The following TUSC3 variants were observed in gnomAD, a reference collection of about 807,000 sequenced individuals.
TUSC3 encodes the protein tumor suppressor candidate 3, also known as dolichyl-diphosphooligosaccharide--protein glycosyltransferase subunit TUSC3.
A neutral mutation model predicts 44.8 loss-of-function variants in TUSC3; 45 were observed. The ratio of observed to expected loss-of-function variants is 1.00; its 90% CI spans 0.79 to 1.29. TUSC3 has a LOEUF of 1.29. Among genes scored for constraint, TUSC3 ranks in the 50% most tolerant of loss-of-function variants. TUSC3 has a pLI of 0.00. For synonymous variants in TUSC3, 212 were observed against 152.9 expected (o/e 1.39, Z -2.85); for missense variants, 519 against 437.9 (o/e 1.19, Z -1.65).
chr8:15,586,653 G>A (rs1435171458), intron 1 of TUSC3, among the ~76,000 whole-genome samples: 2 of 152,226 alleles, frequency 1.3e-5, no homozygotes, highest in South Asian at 2.1e-4. Flanking sequence ...ATGCAACATG[G>A]TTTTAATTTT....
chr8:15,605,892 A>G (rs771674679), intron 1 of TUSC3, among the ~76,000 whole-genome samples: 6 of 152,022 alleles, frequency 3.9e-5, no homozygotes, highest in Non-Finnish European at 7.4e-5. Context: ...CGTTGCTATT[A>G]GGGTGAGCTT....
At chr8:15,838,508 G>A in the TUSC3 span, among the ~76,000 whole-genome samples, 1 of 152,020 alleles carries the variant, frequency 6.6e-6, no homozygotes, top group African/African-American at 2.4e-5. Context: ...AAATCCAAAT[G>A]TTGGCCCACT....
intron 1 of TUSC3, among the ~76,000 whole-genome samples, chr8:15,478,606 C>G (rs1344195789): frequency 6.6e-6 from 1 of 152,160 alleles, no homozygotes; most frequent in Non-Finnish European, 1.5e-5. Context: ...AGGACATGAT[C>G]TCATTCCTTT....
intron 1 of TUSC3, among the ~76,000 whole-genome samples, chr8:15,610,999 G>T (rs994430801): frequency 1.3e-5 from 2 of 152,114 alleles, no homozygotes; most frequent in East Asian, 1.9e-4. Context: ...TCCACTGAAA[G>T]CTTCTTTTTC....
chr8:15,722,261 T>TTG lies in TUSC3; in HGVS notation c.799-8404_799-8403insGT, dbSNP rs1554481658. Among the ~76,000 whole-genome samples the TTG allele has an allele frequency of 6.7e-3, 1,010 of 150,178 alleles. 4 individuals carry two copies. Among genetic ancestry groups the TTG allele is most frequent in the Middle Eastern group, 0.017 (5 of 288 alleles). On this transcript the variant is annotated intron_variant, in intron 6 of 10. Coordinates refer to ENST00000503731, the MANE Select transcript of TUSC3 (RefSeq NM_006765.4). Reference sequence around the variant, plus strand: ...GTTTTGTTTCTTTCTTTTTTTTTTTTTTCCTTTACCTACAACACCTAGACT... The same window carrying TTG: ...GTTTTGTTTCTTTCTTTTTTTTTTTTTGTTCCTTTACCTACAACACCTAGACT...
the TUSC3 span, among the ~76,000 whole-genome samples, chr8:15,837,478 C>G: frequency 1.3e-5 from 2 of 152,104 alleles, no homozygotes; most frequent in East Asian, 3.9e-4. Context: ...CTTTTAAATT[C>G]TTTATCAAAT....
chr8:15,692,570 C>T (rs1808965729), intron 6 of TUSC3, among the ~76,000 whole-genome samples: 1 of 151,346 alleles, frequency 6.6e-6, no homozygotes, highest in Non-Finnish European at 1.5e-5. Context: ...CTGGTTCAGT[C>T]ATGGGAGGTT....
At chr8:15,448,132 T>TATATATA (rs1554502647) in intron 1 of TUSC3, among the ~76,000 whole-genome samples, 6 of 144,620 alleles carry the variant, frequency 4.1e-5, no homozygotes, top group East Asian at 2.0e-4. Context: ...TATTTATTTA[T>TATATATA]TTTTTAGATG....
At chr8:15,461,722 T>A (rs2129121949) in intron 1 of TUSC3, among the ~76,000 whole-genome samples, 1 of 151,342 alleles carries the variant, frequency 6.6e-6, no homozygotes, top group African/African-American at 2.4e-5. Flanking sequence ...GTGCCAATTT[T>A]GCTAAGAGTT....
intron 2 of TUSC3, among the ~76,000 whole-genome samples, chr8:15,502,607 C>T (rs969945733): frequency 1.3e-5 from 2 of 152,216 alleles, no homozygotes; most frequent in African/African-American, 4.8e-5. Flanking sequence ...TGTCCTGTCT[C>T]AGCCTCCCAA....
chr8:15,638,662 A>G (rs1806209992), intron 2 of TUSC3, among the ~76,000 whole-genome samples: 2 of 151,526 alleles, frequency 1.3e-5, no homozygotes, highest in Non-Finnish European at 2.9e-5. Flanking sequence ...AGTAGCTGGG[A>G]TTACAGACAT....
the TUSC3 span, among the ~76,000 whole-genome samples, chr8:15,821,503 C>T: frequency 6.6e-6 from 1 of 151,572 alleles, no homozygotes; most frequent in Non-Finnish European, 1.5e-5. Context: ...ATACTGATTC[C>T]TACACAGAAT....
At chr8:15,515,833 A>ATTT (rs111425082) in intron 2 of TUSC3, among the ~76,000 whole-genome samples, 1 of 149,932 alleles carries the variant, frequency 6.7e-6, no homozygotes, top group Non-Finnish European at 1.5e-5. Context: ...ACACCCGGCT[A>ATTT]TTTTTTTTTG....
the TUSC3 span, among the ~76,000 whole-genome samples, chr8:15,828,339 C>T: frequency 2.0e-4 from 31 of 152,216 alleles, no homozygotes; most frequent in African/African-American, 6.7e-4. Context: ...GTTTTATAAA[C>T]CTAGTTTTAT....
intron 6 of TUSC3, among the ~76,000 whole-genome samples, chr8:15,689,821 G>GGTAT: frequency 7.6e-6 from 1 of 131,056 alleles, no homozygotes; most frequent in South Asian, 2.6e-4. Context: ...AATAGTCCAT[G>GGTAT]GTGTGTGTGT....
At chr8:15,535,871 T>G (rs10110189), upstream of TUSC3, among the ~76,000 whole-genome samples, 3 of 152,088 alleles carry the variant, frequency 2.0e-5, no homozygotes, top group African/African-American at 4.8e-5. Context: ...GAAATACACC[T>G]CGTGAACATC....
chr8:15,628,321 G>A (rs529071065), intron 2 of TUSC3, among the ~76,000 whole-genome samples: 1 of 152,014 alleles, frequency 6.6e-6, no homozygotes, highest in Non-Finnish European at 1.5e-5. Context: ...GTTAAATGGT[G>A]CATTCTTTGG....
chr8:15,580,737 G>T, intron 1 of TUSC3, among the ~76,000 whole-genome samples: 1 of 119,882 alleles, frequency 8.3e-6, no homozygotes, highest in Non-Finnish European at 1.7e-5. Flanking sequence ...CTTTCTCTCT[G>T]GCTGCCCTTA....
intron 2 of TUSC3, among the ~76,000 whole-genome samples, chr8:15,483,649 A>ATTTTTTTTCTTTTTTTTTTTTTTTTT (rs1800694654): frequency 1.5e-5 from 1 of 66,166 alleles, no homozygotes; most frequent in Admixed American, 2.4e-4. Context: ...TAGCACTGTG[A>ATTTTTTTTCTTTTTTTTTTTTTTTTT]TTTTTTTTTT....
Sources: allele counts gnomAD v4.1 joint callset (sites outside exome capture counted in the v4.1 genomes callset), GRCh38; gene constraint gnomAD v4.1.1; transcripts MANE v1.5; gene names NCBI Gene and HGNC (gene_info 2026-07-23, HGNC 2026-07-21).